CDH13: variants seen among roughly 807,000 people sequenced by gnomAD.
CDH13 encodes cadherin 13.
Under a neutral mutation model 63.8 loss-of-function variants are expected in CDH13, and 24 were observed. The ratio of observed to expected loss-of-function variants is 0.38; its 90% CI spans 0.27 to 0.53. The LOEUF is 0.53. CDH13 is among the 20% of genes least tolerant of loss of function. The pLI is 0.85. For synonymous variants in CDH13, 503 were observed against 355.3 expected, an observed-to-expected ratio of 1.42 and a Z score of -4.67; for missense variants, 1,049 against 903.1, an observed-to-expected ratio of 1.16 and a Z score of -2.07.
At chr16:83,542,903 A>T (rs987627462) in intron 7 of CDH13, among the ~76,000 whole-genome samples, 4 of 152,212 alleles carry the variant, frequency 2.6e-5, no homozygotes, top group African/African-American at 9.7e-5. Flanking sequence ...CTTTCAAATA[A>T]AGTCACATTC....
chr16:83,645,145 C>T (rs1911671087), intron 8 of CDH13, among the ~76,000 whole-genome samples: 1 of 152,156 alleles, frequency 6.6e-6, no homozygotes, highest in African/African-American at 2.4e-5. Flanking sequence ...TGGAACCAAC[C>T]TAAGTGTACA....
chr16:83,106,900 T>C (rs2034792460), intron 3 of CDH13, among the ~76,000 whole-genome samples: 1 of 152,210 alleles, frequency 6.6e-6, no homozygotes, highest in South Asian at 2.1e-4. Flanking sequence ...TGGATGATTT[T>C]TTTTTTAAAA....
chr16:83,263,846 C>A (rs571691482), intron 5 of CDH13, among the ~76,000 whole-genome samples: 10 of 152,112 alleles, frequency 6.6e-5, no homozygotes, highest in Non-Finnish European at 1.5e-4. Context: ...GCTAGAGACA[C>A]TGTGAACATC....
chr16:83,481,765 G>A (rs942188226), intron 6 of CDH13, among the ~76,000 whole-genome samples: 1 of 152,188 alleles, frequency 6.6e-6, no homozygotes, highest in African/African-American at 2.4e-5. Context: ...TGTCACTCAG[G>A]AGAGTATTGT....
chr16:83,779,406 CAAAAAAAAAAAAAAAAA>C (rs144757645), intron 11 of CDH13, among the ~76,000 whole-genome samples: 7 of 82,552 alleles, frequency 8.5e-5, no homozygotes, highest in African/African-American at 2.8e-4. Context: ...GACTCCATCT[CAAAAAAAAAAAAAAAAA>C]AAAAAAAAAA....
Position 83,526,650 on chromosome 16 carries a change from G to C in CDH13, c.960+39995G>C, listed in dbSNP as rs553116249. The stretch of plus-strand genomic sequence containing the variant: ...AGACTAGTTCTGGTCCGTGGCCCGG[G>C]GGCTGGCGGCTCCTGGCTTAAATGA... On this transcript the variant is annotated intron_variant, in intron 7 of 13. Transcript: ENST00000567109. Among the ~76,000 whole-genome samples, 231 of 152,268 alleles carry C rather than the reference G, an allele frequency of 1.5e-3. 2 individuals carry two copies. The highest frequency in any genetic ancestry group is 5.3e-3 in the African/African-American group (220 of 41,546).
intron 1 of CDH13, among the ~76,000 whole-genome samples, chr16:82,686,400 C>A (rs1915074185): frequency 6.6e-6 from 1 of 152,146 alleles, no homozygotes; most frequent in Admixed American, 6.5e-5. Context: ...TCTTAGCATC[C>A]ATTTGGGTGC....
At chr16:82,708,524 C>G (rs1230908390) in intron 1 of CDH13, among the ~76,000 whole-genome samples, 2 of 152,220 alleles carry the variant, frequency 1.3e-5, no homozygotes, top group Non-Finnish European at 2.9e-5. Flanking sequence ...CCAGCTTCCT[C>G]TGATGTCCTA....
At chr16:83,093,531 C>T (rs886774455) in intron 3 of CDH13, among the ~76,000 whole-genome samples, 1 of 151,482 alleles carries the variant, frequency 6.6e-6, no homozygotes, top group Admixed American at 6.6e-5. Flanking sequence ...TGTTGGCCAG[C>T]CTGGTCTCGA....
At chr16:83,041,005 T>C (rs1917285461) in intron 3 of CDH13, among the ~76,000 whole-genome samples, 1 of 152,198 alleles carries the variant, frequency 6.6e-6, no homozygotes. Flanking sequence ...CCTCAGGTGC[T>C]CACTGTATAG....
chr16:83,612,117 C>A (rs976577083), intron 8 of CDH13, among the ~76,000 whole-genome samples: 1 of 151,980 alleles, frequency 6.6e-6, no homozygotes, highest in Admixed American at 6.6e-5. Context: ...GATATGATAT[C>A]TATAATTACA....
At chr16:83,097,716 T>C (rs534988948) in intron 3 of CDH13, among the ~76,000 whole-genome samples, 43 of 152,230 alleles carry the variant, frequency 2.8e-4, no homozygotes, top group Admixed American at 1.8e-3. Flanking sequence ...AGCAGGAAAA[T>C]GTAAAATTTG....
At chr16:83,179,217 T>A (rs1306712500) in intron 4 of CDH13, among the ~76,000 whole-genome samples, 1 of 152,126 alleles carries the variant, frequency 6.6e-6, no homozygotes, top group African/African-American at 2.4e-5. Flanking sequence ...GTCCCATTCA[T>A]ATGAAATCCA....
chr16:83,593,779 C>T (rs1165899289), intron 7 of CDH13, among the ~76,000 whole-genome samples: 1 of 152,128 alleles, frequency 6.6e-6, no homozygotes, highest in Admixed American at 6.6e-5. Context: ...CATAAAGCCT[C>T]TAAACAAGAA....
At chr16:83,296,680 T>A (rs1013501447) in intron 5 of CDH13, among the ~76,000 whole-genome samples, 4 of 152,074 alleles carry the variant, frequency 2.6e-5, no homozygotes, top group South Asian at 2.1e-4. Context: ...GACACAGAGT[T>A]TTTATGACAG....
intron 3 of CDH13, 89 bp from the exon 4 acceptor site, chr16:83,125,296 C>A (rs1440885703): frequency 1.4e-6 from 1 of 737,872 alleles, no homozygotes; most frequent in Non-Finnish European, 2.4e-6. Context: ...CAGCTGTATG[C>A]TTTCCCAACA....
intron 1 of CDH13, among the ~76,000 whole-genome samples, chr16:82,694,732 C>G (rs1024756259): frequency 6.6e-6 from 1 of 152,194 alleles, no homozygotes; most frequent in African/African-American, 2.4e-5. Context: ...ATGATTCACC[C>G]AATCACTCAT....
chr16:83,006,744 A>C (rs1235428521), intron 2 of CDH13, among the ~76,000 whole-genome samples: 1 of 152,318 alleles, frequency 6.6e-6, no homozygotes, highest in East Asian at 1.9e-4. Flanking sequence ...AAATTGTGGC[A>C]ACTTTATTTT....
At chr16:83,788,861 G>A (rs776006602) in intron 13 of CDH13, among the ~76,000 whole-genome samples, 3 of 152,182 alleles carry the variant, frequency 2.0e-5, no homozygotes, top group African/African-American at 4.8e-5. Context: ...GGATCTCCTT[G>A]TGTAGCTGGA....
Sources: allele counts gnomAD v4.1 joint callset (sites outside exome capture counted in the v4.1 genomes callset), GRCh38; gene constraint gnomAD v4.1.1; transcripts MANE v1.5; gene names NCBI Gene and HGNC (gene_info 2026-07-23, HGNC 2026-07-21).